Variants in AGMO observed in about 807,000 individuals in gnomAD.
AGMO encodes glyceryl-ether monooxygenase.
AGMO carries 75 observed loss-of-function variants against 60.2 expected under a neutral mutation model. The observed-to-expected ratio is 1.25, with a 90% confidence interval of 1.03 to 1.51. AGMO has a LOEUF of 1.51. Ranked by LOEUF, AGMO falls within the 40% of genes most tolerant of loss-of-function variation. AGMO has a pLI of 0.00. For synonymous variants in AGMO, 261 were observed against 177.1 expected, an observed-to-expected ratio of 1.47 and a Z score of -3.76; for missense variants, 763 against 525.5, an observed-to-expected ratio of 1.45 and a Z score of -4.42.
At chr7:15,188,270 T>G in the AGMO span, among the ~76,000 whole-genome samples, 1 of 152,168 alleles carries the variant, frequency 6.6e-6, no homozygotes, top group Admixed American at 6.6e-5. Flanking sequence ...GTAAACTGCT[T>G]AAGTCTCACT....
intron 12 of AGMO, among the ~76,000 whole-genome samples, chr7:15,226,899 A>G (rs1180035065): frequency 6.6e-6 from 1 of 152,084 alleles, no homozygotes; most frequent in Non-Finnish European, 1.5e-5. Flanking sequence ...AAAATGCAAG[A>G]AATGTATCTC....
chr7:15,208,922 C>T (rs1025698260), intron 12 of AGMO, among the ~76,000 whole-genome samples: 3 of 152,154 alleles, frequency 2.0e-5, no homozygotes, highest in African/African-American at 4.8e-5. Flanking sequence ...ATGAGAAACA[C>T]GACATTTAAT....
At chr7:15,279,144 A>G (rs545480856) in intron 12 of AGMO, among the ~76,000 whole-genome samples, 1 of 152,082 alleles carries the variant, frequency 6.6e-6, no homozygotes, top group Non-Finnish European at 1.5e-5. Context: ...CTGCAGACCC[A>G]GGTTTGGGGG....
chr7:15,145,086 G>C, the AGMO span, among the ~76,000 whole-genome samples: 3 of 152,216 alleles, frequency 2.0e-5, no homozygotes, highest in Non-Finnish European at 4.4e-5. Context: ...CCTCGGCCCC[G>C]CAAAGTGCTG....
intron 10 of AGMO, among the ~76,000 whole-genome samples, chr7:15,381,709 G>A (rs1271213630): frequency 6.6e-6 from 1 of 152,126 alleles, no homozygotes; most frequent in East Asian, 1.9e-4. Flanking sequence ...CTTTTATAAA[G>A]TTAAATGCAT....
intron 12 of AGMO, among the ~76,000 whole-genome samples, chr7:15,287,583 C>G (rs910008310): frequency 2.0e-5 from 3 of 152,048 alleles, no homozygotes; most frequent in African/African-American, 7.2e-5. Context: ...AATTTACAAA[C>G]AAAATATTTG....
chr7:15,237,693 T>TAC (rs1782467294), intron 12 of AGMO, among the ~76,000 whole-genome samples: 2 of 152,008 alleles, frequency 1.3e-5, no homozygotes, highest in African/African-American at 2.4e-5. Flanking sequence ...ATGATAGCAA[T>TAC]ACACACACAC....
intron 6 of AGMO, among the ~76,000 whole-genome samples, chr7:15,391,952 T>G (rs1303955096): frequency 6.6e-6 from 1 of 152,206 alleles, no homozygotes; most frequent in Non-Finnish European, 1.5e-5. Flanking sequence ...AGTGCCGACG[T>G]TGGGAAACCC....
chr7:15,224,465 A>T (rs1201645485), intron 12 of AGMO, among the ~76,000 whole-genome samples: 1 of 151,712 alleles, frequency 6.6e-6, no homozygotes, highest in African/African-American at 2.4e-5. Context: ...CTCTCCTCTC[A>T]TCAATGTGAG....
chr7:15,495,279 A>T (rs1259447471), intron 3 of AGMO, among the ~76,000 whole-genome samples: 1 of 152,170 alleles, frequency 6.6e-6, no homozygotes, highest in Non-Finnish European at 1.5e-5. Context: ...TCTCTTCTCA[A>T]ACTTACTTAG....
chr7:15,219,076 G>C (rs1478803995), intron 12 of AGMO, among the ~76,000 whole-genome samples: 1 of 152,048 alleles, frequency 6.6e-6, no homozygotes, highest in East Asian at 1.9e-4. Context: ...GATCAAATTT[G>C]TATTAAGTAC....
intron 12 of AGMO, among the ~76,000 whole-genome samples, chr7:15,351,419 A>C (rs780445490): frequency 2.6e-5 from 4 of 152,152 alleles, no homozygotes; most frequent in Non-Finnish European, 5.9e-5. Context: ...TTTAACAGTG[A>C]TTCTCAGGGG....
the AGMO span, among the ~76,000 whole-genome samples, chr7:15,177,347 G>T: frequency 6.6e-6 from 1 of 151,926 alleles, no homozygotes; most frequent in African/African-American, 2.4e-5. Context: ...TAAACTAGTT[G>T]CTTTTATTTT....
At chr7:15,160,333 C>T in the AGMO span, among the ~76,000 whole-genome samples, 1 of 152,122 alleles carries the variant, frequency 6.6e-6, no homozygotes, top group Non-Finnish European at 1.5e-5. Context: ...TTGTGTTCAT[C>T]TAATTTTATA....
the AGMO span, among the ~76,000 whole-genome samples, chr7:15,172,207 G>A: frequency 2.1e-3 from 322 of 152,280 alleles, 11 homozygotes; most frequent in East Asian, 0.053. Context: ...ATAAGTATTC[G>A]TGGTCACCCT....
chr7:15,474,515 C>A (rs1253585886), intron 3 of AGMO, among the ~76,000 whole-genome samples: 1 of 152,018 alleles, frequency 6.6e-6, no homozygotes, highest in African/African-American at 2.4e-5. Flanking sequence ...TGAAACTGAA[C>A]CCCTTCCTTA....
chr7:15,185,815 T>C, the AGMO span, among the ~76,000 whole-genome samples: 2 of 152,228 alleles, frequency 1.3e-5, no homozygotes, highest in African/African-American at 2.4e-5. Flanking sequence ...TCAGTACCAC[T>C]GTATTTGAGA....
At chr7:15,525,710 G>C (rs1183560416) in intron 3 of AGMO, among the ~76,000 whole-genome samples, 2 of 152,142 alleles carry the variant, frequency 1.3e-5, no homozygotes, top group African/African-American at 4.8e-5. Context: ...GGTAAGGGTA[G>C]CCGCCCCACT....
intron 3 of AGMO, among the ~76,000 whole-genome samples, chr7:15,475,035 G>A (rs974633562): frequency 2.6e-5 from 4 of 152,028 alleles, no homozygotes; most frequent in Admixed American, 6.6e-5. Flanking sequence ...TAAAAAGTCG[G>A]GAAACAACAG....
Sources: gnomAD v4.1 joint callset for allele counts (sites outside exome capture counted in the v4.1 genomes callset) on GRCh38, gnomAD v4.1.1 for gene constraint, MANE v1.5 for transcripts, NCBI Gene and HGNC (gene_info 2026-07-23, HGNC 2026-07-21) for gene names.